The following FNBP1 variants were observed in gnomAD, a reference collection of about 807,000 sequenced individuals.
FNBP1 encodes formin binding protein 1.
Under a neutral mutation model 90.6 loss-of-function variants are expected in FNBP1, and 26 were observed. The ratio of observed to expected loss-of-function variants is 0.29; its 90% CI spans 0.21 to 0.40. The LOEUF (loss-of-function observed/expected upper bound fraction) is 0.40. Ranked by LOEUF, FNBP1 falls within the 10% of genes least tolerant of loss-of-function variation. FNBP1 has a pLI of 1.00. For missense variants in FNBP1, 635 were observed against 768.0 expected (o/e 0.83, Z 2.05); for synonymous variants, 260 against 265.2 (o/e 0.98, Z 0.19).
chr9:129,895,477 G>T, intron 16 of FNBP1: 1 of 1,149,234 alleles, frequency 8.7e-7, no homozygotes, highest in Non-Finnish European at 1.1e-6. Flanking sequence ...TGCATGATGC[G>T]TGCCGGCTTT....
intron 1 of FNBP1, among the ~76,000 whole-genome samples, chr9:130,008,064 G>A (rs1341031206): frequency 6.8e-6 from 1 of 147,472 alleles, no homozygotes; most frequent in East Asian, 2.0e-4. Flanking sequence ...CCTAATTTCT[G>A]CTGGGCGTCA....
intron 6 of FNBP1, among the ~76,000 whole-genome samples, chr9:129,934,873 C>T (rs1454321703): frequency 1.3e-5 from 2 of 152,102 alleles, no homozygotes; most frequent in Admixed American, 1.3e-4. Flanking sequence ...TGAGCCACCA[C>T]GCCCAGCCCA....
In FNBP1 at chr9:129,957,403, T is replaced by A. The variant is rs1190528522; in HGVS notation, c.470A>T (p.Lys157Ile). The A allele has an allele frequency of 3.7e-6, 6 of 1,613,758 alleles. No individual in the cohort carries two copies. Among genetic ancestry groups the A allele is most frequent in the African/African-American group, 1.3e-5 (1 of 74,920 alleles). Residue 157 changes from lysine to isoleucine, a missense_variant, in exon 6 of 17, where the codon AAA becomes ATA. Lys to Ile is a moderately radical substitution (Grantham distance 102). Coordinates refer to ENST00000446176, the MANE Select transcript of FNBP1 (RefSeq NM_015033.3). This position sits in a 1 kb window ranked among gnomAD's most constrained non-coding sequence, Gnocchi z 4.3. ...EADRAQQYFE[K>I]MDADINVTKA... ...TGTGACATTGATGTCAGCGTCCATT[T>A]TCTCAAAGTACTGCTGCGCCCTGTC...
intron 6 of FNBP1, among the ~76,000 whole-genome samples, chr9:129,934,907 T>G (rs1436608070): frequency 6.6e-6 from 1 of 152,078 alleles, no homozygotes; most frequent in Non-Finnish European, 1.5e-5. Flanking sequence ...CTTAACATAG[T>G]CCATTCTCAA....
intron 2 of FNBP1, among the ~76,000 whole-genome samples, chr9:129,985,386 C>T (rs2052000068): frequency 6.6e-6 from 1 of 152,214 alleles, no homozygotes; most frequent in Admixed American, 6.5e-5. Flanking sequence ...ATGATTCACA[C>T]TTTACAGATG....
chr9:129,958,368 GT>G (rs1362764047), intron 5 of FNBP1, 122 bp downstream of exon 5: 2 of 684,618 alleles, frequency 2.9e-6, no homozygotes, highest in Non-Finnish European at 5.0e-6. Context: ...GGAAGCAGAG[GT>G]TACAGTGAGC....
intron 9 of FNBP1, among the ~76,000 whole-genome samples, chr9:129,924,740 G>A (rs2041626847): frequency 6.6e-6 from 1 of 152,160 alleles, no homozygotes; most frequent in Non-Finnish European, 1.5e-5. Context: ...CTGTTAGTGT[G>A]GGAGTCACGG....
chr9:129,970,135 G>A (rs376262296), intron 4 of FNBP1, among the ~76,000 whole-genome samples: 316 of 151,594 alleles, frequency 2.1e-3, no homozygotes, highest in African/African-American at 7.4e-3. Flanking sequence ...TCGATCTCCC[G>A]ACCTCATGAT....
chr9:129,963,425 T>C (rs2048118183), intron 4 of FNBP1, among the ~76,000 whole-genome samples: 1 of 152,140 alleles, frequency 6.6e-6, no homozygotes, highest in African/African-American at 2.4e-5. Context: ...TGTAAATATA[T>C]AATAAATATG....
At chr9:130,016,054 T>G (rs112891248) in intron 1 of FNBP1, among the ~76,000 whole-genome samples, 3,216 of 152,342 alleles carry the variant, frequency 0.021, 109 homozygotes, top group African/African-American at 0.07. Flanking sequence ...TTAGAAATTT[T>G]GTATTTATTG....
At chr9:129,902,766 T>C in intron 13 of FNBP1, 103 bp downstream of exon 13, 1 of 1,156,838 alleles carries the variant, frequency 8.6e-7, no homozygotes, top group East Asian at 2.4e-5. Context: ...ATTCCCACTG[T>C]GTACCTCCCA....
intron 1 of FNBP1, 69 bp from the exon 2 acceptor site, chr9:129,995,027 C>A (rs1368688755): frequency 9.0e-6 from 7 of 779,680 alleles, no homozygotes; most frequent in Non-Finnish European, 1.6e-5. Flanking sequence ...ATGAATAATT[C>A]TCTTAACAAC....
chr9:129,916,433 C>T (rs1216654984), intron 10 of FNBP1, among the ~76,000 whole-genome samples: 1 of 152,060 alleles, frequency 6.6e-6, no homozygotes, highest in African/African-American at 2.4e-5. Flanking sequence ...GCCTGACCAA[C>T]ACGGAGAAAC....
chr9:130,040,168 T>A (rs1357619006), intron 1 of FNBP1, among the ~76,000 whole-genome samples: 1 of 152,246 alleles, frequency 6.6e-6, no homozygotes, highest in Non-Finnish European at 1.5e-5. Context: ...TTATTCTAGT[T>A]TTTTTAAATC....
At position 129,922,479 on chromosome 9, in the gene FNBP1, C is replaced by A. The variant is rs1016681770; in HGVS notation, c.1170+1365G>T. ...CCGGCTCTGTATCTTCCCACCTTCA[C>A]CTTTTTATGCCTCAATTTCCTTACA... On this transcript the variant is annotated intron_variant, in intron 10 of 16. Transcript: ENST00000446176. Among the ~76,000 whole-genome samples the A allele has an allele frequency of 2.6e-5, 4 of 152,196 alleles. No individual in the cohort carries two copies. The South Asian group carries it at 8.3e-4, about 32-fold the overall frequency.
chr9:129,973,756 G>A (rs561424114), intron 4 of FNBP1, among the ~76,000 whole-genome samples: 137 of 150,572 alleles, frequency 9.1e-4, no homozygotes, highest in Non-Finnish European at 1.3e-3. Context: ...GCCTGCCTTG[G>A]CCTCCCAAAG....
chr9:129,958,406 T>G lies in FNBP1; in HGVS notation c.408+85A>C. The G allele has an allele frequency of 2.9e-6, 3 of 1,047,818 alleles. No individual in the cohort carries two copies. The South Asian group carries it at 4.3e-5, about 15-fold the overall frequency. The allele number at this position is 1,047,818 out of a possible 1,614,324, so 64.9% of individuals were successfully genotyped here. On this transcript the variant is annotated intron_variant, in intron 5 of 16. Coordinates refer to ENST00000446176, the MANE Select transcript of FNBP1 (RefSeq NM_015033.3). Reference sequence around the variant, plus strand: ...GAGATCGCACCATTGCACTCCAACCTGGGCAACAGAGGGAGCCTCCGTCTC... The same window carrying G: ...GAGATCGCACCATTGCACTCCAACCGGGGCAACAGAGGGAGCCTCCGTCTC...
intron 1 of FNBP1, among the ~76,000 whole-genome samples, chr9:130,026,311 T>C (rs539511408): frequency 2.0e-5 from 3 of 152,068 alleles, no homozygotes; most frequent in African/African-American, 7.2e-5. Flanking sequence ...CTGGCCAATG[T>C]GGCAAAACCC....
At chr9:129,908,556 A>T (rs2038616799) in intron 12 of FNBP1, among the ~76,000 whole-genome samples, 1 of 144,450 alleles carries the variant, frequency 6.9e-6, no homozygotes, top group African/African-American at 2.6e-5. Context: ...AATTATTATT[A>T]TTTTTTATTT....
Sources: gnomAD v4.1 joint callset for allele counts (sites outside exome capture counted in the v4.1 genomes callset) on GRCh38, gnomAD v4.1.1 for gene constraint, Gnocchi (gnomAD v3.1) non-coding constraint, MANE v1.5 for transcripts, NCBI Gene and HGNC (gene_info 2026-07-23, HGNC 2026-07-21) for gene names.